Variants in SNX29 observed in about 807,000 individuals in gnomAD.
SNX29 encodes the protein sorting nexin 29.
A neutral mutation model predicts 102.1 loss-of-function variants in SNX29; 78 were observed. The observed-to-expected ratio is 0.76, with a 90% CI of 0.64 to 0.92. The LOEUF is 0.92. Among genes scored for constraint, SNX29 ranks in the 40% least tolerant of loss-of-function variants. The pLI is 0.00. For missense variants in SNX29, 1,280 were observed against 1,061.7 expected (o/e 1.21, Z -2.86); for synonymous variants, 580 against 414.5 (o/e 1.40, Z -4.85).
intron 20 of SNX29, among the ~76,000 whole-genome samples, chr16:12,542,191 C>T (rs1419808382): frequency 6.6e-6 from 1 of 152,166 alleles, no homozygotes; most frequent in African/African-American, 2.4e-5. Flanking sequence ...AAGCCTTTTC[C>T]ACACAGGGTG....
intron 13 of SNX29, among the ~76,000 whole-genome samples, chr16:12,159,568 T>A (rs2055695824): frequency 6.6e-6 from 1 of 152,040 alleles, no homozygotes; most frequent in Non-Finnish European, 1.5e-5. Flanking sequence ...AGAATAGAAA[T>A]CCCCACTGGG....
At chr16:12,110,572 G>A (rs1401676822) in intron 11 of SNX29, among the ~76,000 whole-genome samples, 1 of 152,126 alleles carries the variant, frequency 6.6e-6, no homozygotes, top group Non-Finnish European at 1.5e-5. Context: ...TGGGCTGCTT[G>A]ACTCCCTTTG....
At chr16:12,557,486 T>G (rs960587537) in intron 20 of SNX29, 3 of 152,158 alleles carry the variant, frequency 2.0e-5, no homozygotes, top group Admixed American at 6.6e-5. Flanking sequence ...TTCAGCCTCT[T>G]AAGTAGCTGG....
At position 12,161,771 on chromosome 16, in the gene SNX29, G is replaced by A. The variant is rs74978257; in HGVS notation, c.1595+32013G>A. Among the ~76,000 whole-genome samples the A allele has an allele frequency of 4.1e-5, 6 of 147,984 alleles. No homozygotes were observed. In the East Asian group the frequency reaches 1.2e-3, roughly 30 times the overall value. On this transcript the variant is annotated intron_variant, in intron 13 of 20. Coordinates refer to ENST00000566228, the MANE Select transcript of SNX29 (RefSeq NM_032167.5). The stretch of plus-strand genomic sequence containing the variant: ...CCTGGCACTTCCACCCTCCCTGCCC[G>A]CCCTTCTTCTCTTGCCTGTGGCACG...
chr16:12,184,263 T>C (rs1340549945), intron 13 of SNX29, among the ~76,000 whole-genome samples: 1 of 152,196 alleles, frequency 6.6e-6, no homozygotes, highest in Non-Finnish European at 1.5e-5. Flanking sequence ...AAAGTGTCTT[T>C]TATAGCCATT....
intron 15 of SNX29, among the ~76,000 whole-genome samples, chr16:12,318,310 G>A (rs1477435084): frequency 6.6e-6 from 1 of 152,224 alleles, no homozygotes; most frequent in Non-Finnish European, 1.5e-5. Flanking sequence ...TCTGCCCAGA[G>A]GCCCCTTTGG....
At chr16:12,435,308 C>A (rs1255330830) in intron 18 of SNX29, among the ~76,000 whole-genome samples, 1 of 152,198 alleles carries the variant, frequency 6.6e-6, no homozygotes, top group Non-Finnish European at 1.5e-5. Flanking sequence ...CACACTTCTG[C>A]CTTACAACTG....
At chr16:12,068,812 G>A (rs1295154622) in intron 9 of SNX29, among the ~76,000 whole-genome samples, 1 of 152,200 alleles carries the variant, frequency 6.6e-6, no homozygotes, top group Non-Finnish European at 1.5e-5. Flanking sequence ...TGGGATTACA[G>A]GAGTGAGCCG....
chr16:12,041,296 G>T (rs2049870881), intron 4 of SNX29, among the ~76,000 whole-genome samples: 1 of 152,096 alleles, frequency 6.6e-6, no homozygotes, highest in South Asian at 2.1e-4. Flanking sequence ...ATTTTTAGTA[G>T]AGATGGGGTT....
At chr16:12,148,169 C>T (rs1055912207) in intron 13 of SNX29, among the ~76,000 whole-genome samples, 17 of 152,204 alleles carry the variant, frequency 1.1e-4, no homozygotes, top group Non-Finnish European at 2.4e-4. Flanking sequence ...CTTGGAAGCT[C>T]TCTGAGACCC....
At chr16:12,119,228 G>A (rs760893323) in intron 11 of SNX29, among the ~76,000 whole-genome samples, 7 of 152,176 alleles carry the variant, frequency 4.6e-5, no homozygotes, top group African/African-American at 1.4e-4. Context: ...GGGTCCTCTC[G>A]TCCCACTGTA....
rs2079227879 is a variant in SNX29 at position 12,573,390 on chromosome 16, G to A, written c.*4761G>A. On this transcript the variant is annotated 3_prime_UTR_variant, in exon 21 of 21. Transcript: ENST00000566228. Reference sequence around the variant, plus strand: ...ACCAAGTTGCGTATCCTTCCTTATAGCTAGTTTCTATAGAGAAGTGAAAAA... The same window carrying A: ...ACCAAGTTGCGTATCCTTCCTTATAACTAGTTTCTATAGAGAAGTGAAAAA... 2 of 223,922 alleles carry A rather than the reference G, an allele frequency of 8.9e-6. No individual in the cohort carries two copies. The highest frequency in any genetic ancestry group is 4.5e-5 in the African/African-American group (2 of 44,802). The allele number at this position is 223,922 out of a possible 1,614,324, so 13.9% of individuals were successfully genotyped here. A position where few individuals can be genotyped will look rare whatever the true frequency, so the allele number is the denominator to read the frequency against.
chr16:12,505,777 A>AAAAAT (rs2089349116), intron 19 of SNX29, among the ~76,000 whole-genome samples: 1 of 149,526 alleles, frequency 6.7e-6, no homozygotes, highest in Non-Finnish European at 1.5e-5. Flanking sequence ...AAAAAAAAAA[A>AAAAAT]AAAAAAGGCA....
chr16:12,551,614 G>A (rs917468762), intron 20 of SNX29, among the ~76,000 whole-genome samples: 5 of 152,222 alleles, frequency 3.3e-5, no homozygotes, highest in African/African-American at 1.2e-4. Flanking sequence ...AATTAGATCT[G>A]AGTCTGAGGC....
At chr16:12,104,172 C>T (rs2053135340) in intron 11 of SNX29, among the ~76,000 whole-genome samples, 1 of 152,158 alleles carries the variant, frequency 6.6e-6, no homozygotes, top group Non-Finnish European at 1.5e-5. Flanking sequence ...TAGTTTGATG[C>T]TTGTGGGTAC....
At chr16:12,045,082 G>A (rs1179675198) in intron 5 of SNX29, among the ~76,000 whole-genome samples, 1 of 152,206 alleles carries the variant, frequency 6.6e-6, no homozygotes, top group African/African-American at 2.4e-5. Context: ...TCATTTAGAT[G>A]CACGAAAACA....
chr16:12,238,004 A>G (rs2077988660), intron 14 of SNX29, among the ~76,000 whole-genome samples: 1 of 152,212 alleles, frequency 6.6e-6, no homozygotes. Flanking sequence ...GGCTTTTGTG[A>G]CATGCATAGC....
At chr16:12,123,909 G>A (rs1190805692) in intron 11 of SNX29, among the ~76,000 whole-genome samples, 1 of 152,194 alleles carries the variant, frequency 6.6e-6, no homozygotes, top group African/African-American at 2.4e-5. Context: ...CGTGTTTGGG[G>A]AAAGCTTTAC....
At chr16:12,026,238 A>G (rs1218418391) in intron 3 of SNX29, among the ~76,000 whole-genome samples, 1 of 152,154 alleles carries the variant, frequency 6.6e-6, no homozygotes, top group Non-Finnish European at 1.5e-5. Flanking sequence ...ACAGAATCTA[A>G]GCCTGTCCTT....
Sources: gnomAD v4.1 joint callset for allele counts (sites outside exome capture counted in the v4.1 genomes callset) on GRCh38, gnomAD v4.1.1 for gene constraint, MANE v1.5 for transcripts, NCBI Gene and HGNC (gene_info 2026-07-23, HGNC 2026-07-21) for gene names.